LRBA: variants seen among roughly 807,000 people sequenced by gnomAD.
LRBA encodes LPS responsive beige-like anchor protein.
LRBA carries 176 observed loss-of-function variants against 330.0 expected under a neutral mutation model. The observed-to-expected ratio is 0.53, with a 90% CI of 0.47 to 0.60. The LOEUF is 0.60. LRBA is among the 20% of genes least tolerant of loss of function. The probability of loss-of-function intolerance (pLI) is 0.00; values close to 1 mark genes in which losing one functional copy is unlikely to be tolerated. For synonymous variants in LRBA, 1,230 were observed against 1,193.0 expected (o/e 1.03, Z -0.64); for missense variants, 3,259 against 3,444.8 (o/e 0.95, Z 1.35).
chr4:150,481,824 C>G (rs1309289412), intron 42 of LRBA, among the ~76,000 whole-genome samples: 1 of 152,016 alleles, frequency 6.6e-6, no homozygotes, highest in African/African-American at 2.4e-5. Flanking sequence ...TCTGTTTAGC[C>G]ACTCACAGTT....
At chr4:150,543,788 A>G (rs1765562927) in intron 40 of LRBA, among the ~76,000 whole-genome samples, 2 of 152,292 alleles carry the variant, frequency 1.3e-5, no homozygotes, top group South Asian at 2.1e-4. Flanking sequence ...ACATGTCCCA[A>G]TCTTTTGAAG....
At chr4:150,746,652 C>G (rs1732775016) in intron 35 of LRBA, among the ~76,000 whole-genome samples, 1 of 151,662 alleles carries the variant, frequency 6.6e-6, no homozygotes, top group Non-Finnish European at 1.5e-5. Context: ...CTGGGACTAC[C>G]AGAGCCCACC....
intron 47 of LRBA, among the ~76,000 whole-genome samples, chr4:150,387,638 G>A (rs1743284627): frequency 6.6e-6 from 1 of 152,070 alleles, no homozygotes; most frequent in African/African-American, 2.4e-5. Flanking sequence ...TGCCAATTAA[G>A]TTGTGCAATG....
chr4:150,946,600 AT>A (rs987746247), intron 2 of LRBA, among the ~76,000 whole-genome samples: 1 of 152,130 alleles, frequency 6.6e-6, no homozygotes, highest in Non-Finnish European at 1.5e-5. Flanking sequence ...ATATATCAAA[AT>A]TTGTGGGCCA....
At chr4:150,553,555 T>C (rs987441474) in intron 40 of LRBA, among the ~76,000 whole-genome samples, 1 of 152,120 alleles carries the variant, frequency 6.6e-6, no homozygotes, top group Non-Finnish European at 1.5e-5. Flanking sequence ...TGGGAACCCT[T>C]GCCTTAGAAG....
intron 23 of LRBA, 35 bp downstream of exon 23, chr4:150,851,850 C>T (rs1578996506): frequency 2.0e-6 from 3 of 1,533,834 alleles, no homozygotes; most frequent in Non-Finnish European, 1.8e-6. Context: ...TAACTCAGTG[C>T]AAAAGTACTT....
chr4:151,007,490 G>A (rs950876606), intron 2 of LRBA, among the ~76,000 whole-genome samples: 5 of 146,682 alleles, frequency 3.4e-5, no homozygotes, highest in African/African-American at 5.1e-5. Context: ...GGGCGACAGA[G>A]CGAGACTCTG....
chr4:150,467,609 A>T (rs1755600709), intron 44 of LRBA, 64 bp downstream of exon 44: 7 of 1,022,120 alleles, frequency 6.8e-6, no homozygotes, highest in Non-Finnish European at 8.8e-6. Context: ...AAAATAACGA[A>T]AGACAATCCA....
At chr4:150,882,105 A>G (rs1728466536) in intron 17 of LRBA, among the ~76,000 whole-genome samples, 2 of 152,148 alleles carry the variant, frequency 1.3e-5, no homozygotes, top group Non-Finnish European at 2.9e-5. Context: ...AAAAATCACA[A>G]TAATTTTTTC....
At chr4:150,643,633 G>T (rs1268009211) in intron 37 of LRBA, among the ~76,000 whole-genome samples, 1 of 151,890 alleles carries the variant, frequency 6.6e-6, no homozygotes, top group Non-Finnish European at 1.5e-5. Context: ...ATGATCTAGT[G>T]CTCATCTAAG....
At chr4:150,655,398 T>C (rs1026686200) in intron 37 of LRBA, among the ~76,000 whole-genome samples, 8 of 152,216 alleles carry the variant, frequency 5.3e-5, no homozygotes, top group Admixed American at 1.3e-4. Context: ...TTTTAGACTT[T>C]TGCTATTATA....
intron 35 of LRBA, among the ~76,000 whole-genome samples, chr4:150,758,400 G>A (rs1289565653): frequency 6.6e-6 from 1 of 152,040 alleles, no homozygotes; most frequent in African/African-American, 2.4e-5. Flanking sequence ...GTGATGCCTG[G>A]CTTTCTCTCA....
At chr4:150,274,080 G>A (rs1201312554) in intron 56 of LRBA, among the ~76,000 whole-genome samples, 1 of 152,132 alleles carries the variant, frequency 6.6e-6, no homozygotes, top group Non-Finnish European at 1.5e-5. Flanking sequence ...CTCAGCAAAT[G>A]CAAAAGAATG....
At chr4:150,534,078 G>C (rs945116621) in intron 40 of LRBA, among the ~76,000 whole-genome samples, 9 of 152,092 alleles carry the variant, frequency 5.9e-5, no homozygotes, top group Middle Eastern at 3.4e-3. Context: ...AGCAACAAAG[G>C]ATGAATGATT....
At chr4:150,722,141 C>A (rs534139372) in intron 36 of LRBA, among the ~76,000 whole-genome samples, 14 of 152,186 alleles carry the variant, frequency 9.2e-5, no homozygotes, top group African/African-American at 2.6e-4. Flanking sequence ...ATGTCAGCAG[C>A]AGCCTGGTGC....
At chr4:150,677,882 AGGCCTGT>A (rs1168238792) in intron 37 of LRBA, among the ~76,000 whole-genome samples, 3 of 152,114 alleles carry the variant, frequency 2.0e-5, no homozygotes, top group African/African-American at 4.8e-5. Context: ...GTTCAGTATC[AGGCCTGT>A]AATTAGTACA....
At chr4:151,013,180 T>G (rs1436701595) in intron 2 of LRBA, 2 of 152,204 alleles carry the variant, frequency 1.3e-5, no homozygotes, top group Admixed American at 1.3e-4. Context: ...AAGCCTAACC[T>G]TGAAAAGAGG....
chr4:150,393,333 C>CT (rs761503574), intron 47 of LRBA, among the ~76,000 whole-genome samples: 233 of 141,704 alleles, frequency 1.6e-3, no homozygotes, highest in Middle Eastern at 7.1e-3. Context: ...GTGCTAAAAT[C>CT]TTTTTTTTTT....
intron 47 of LRBA, among the ~76,000 whole-genome samples, chr4:150,352,581 G>A (rs1737324487): frequency 6.6e-6 from 1 of 152,114 alleles, no homozygotes. Flanking sequence ...AGATATGACA[G>A]CACAAAACTG....
Sources: gnomAD v4.1 joint callset for allele counts (sites outside exome capture counted in the v4.1 genomes callset) on GRCh38, gnomAD v4.1.1 for gene constraint, MANE v1.5 for transcripts, NCBI Gene and HGNC (gene_info 2026-07-23, HGNC 2026-07-21) for gene names.